DNAJB1: variants seen among roughly 807,000 people sequenced by gnomAD.
The protein encoded by DNAJB1 is DnaJ heat shock protein family (Hsp40) member B1, also known as dnaJ homolog subfamily B member 1.
DNAJB1 carries 14 observed loss-of-function variants against 24.0 expected under a neutral mutation model. That is an observed-to-expected ratio of 0.58 (90% CI 0.39 to 0.91). The LOEUF is 0.91. DNAJB1 is among the 40% of genes least tolerant of loss of function. The pLI, the probability that DNAJB1 is intolerant of heterozygous loss-of-function variation, is 0.00. For synonymous variants in DNAJB1, 262 were observed against 174.4 expected (o/e 1.50, Z -3.96); for missense variants, 517 against 458.1 (o/e 1.13, Z -1.17).
Position 14,516,361 on chromosome 19 carries a change from G to C in DNAJB1, c.792+105C>G, listed in dbSNP as rs1021109617. The C allele has an allele frequency of 4.4e-6, 6 of 1,351,280 alleles. No homozygotes were observed. In the Admixed American group the frequency reaches 1.4e-4, roughly 31 times the overall value. 83.7% of individuals were successfully genotyped at this position (1,351,280 alleles called of 1,614,324 possible). A position where few individuals can be genotyped will look rare whatever the true frequency, so the allele number is the denominator to read the frequency against. On this transcript the variant is annotated intron_variant, in intron 2 of 2. Transcript: ENST00000254322. ...AGTCCTGTTCACTGTTGTGCCCCAA[G>C]CCTGGCACGCACCACACACCCCAAC...
chr19:14,554,471 C>A (rs2073648764), upstream of DNAJB1, among the ~76,000 whole-genome samples: 1 of 152,136 alleles, frequency 6.6e-6, no homozygotes, highest in Non-Finnish European at 1.5e-5. Context: ...ACTCTGCCGC[C>A]AGCAAGGCCA....
chr19:14,517,419 G>T, intron 1 of DNAJB1: 2 of 199,986 alleles, frequency 1.0e-5, no homozygotes, highest in Non-Finnish European at 2.0e-5. Flanking sequence ...AGGGCTAATG[G>T]TGCGTAGGAA....
chr19:14,529,850 G>T, upstream of DNAJB1: 1 of 1,174,962 alleles, frequency 8.5e-7, no homozygotes. Flanking sequence ...GGCAAGCGTT[G>T]CGCCCCGGGC....
Position 14,549,772 on chromosome 19 carries a change from A to G in DNAJB1, c.-214+436T>C, listed in dbSNP as rs576157342. Among the ~76,000 whole-genome samples, 412 of 151,978 alleles carry G rather than the reference A, an allele frequency of 2.7e-3. 7 individuals are homozygous for G. The Middle Eastern group carries it at 0.075, about 28-fold the overall frequency. On this transcript the variant is annotated intron_variant, in intron 1 of 3. Transcript: ENST00000676982. ...AGCCTGACCAACATGGTGAAACCCC[A>G]TCTCTACTAAAAATACAAAAATTAG... is the stretch of plus-strand genomic sequence containing the variant.
chr19:14,543,209 C>CT (rs943725994), intron 1 of DNAJB1, among the ~76,000 whole-genome samples: 1 of 146,508 alleles, frequency 6.8e-6, no homozygotes, highest in African/African-American at 2.5e-5. Context: ...CCTCAAGTGT[C>CT]TAACTCAGGA....
rs200088135 is a variant in DNAJB1 at position 14,518,397 on chromosome 19, C to T, written c.-48G>A. The T allele has an allele frequency of 1.3e-3, 1,979 of 1,508,654 alleles. 26 individuals carry two copies. The Admixed American group carries it at 0.025, about 19-fold the overall frequency. 93.5% of individuals were successfully genotyped at this position (1,508,654 alleles called of 1,614,324 possible). On this transcript the variant is annotated 5_prime_UTR_variant, in exon 1 of 3. Coordinates refer to ENST00000254322, the MANE Select transcript of DNAJB1 (RefSeq NM_006145.3). ...ACCCGCTGTCGCCGTCCCCCGGCTC[C>T]GCCGCCGACCAGTCCCGGACTCTAT... is the stretch of plus-strand genomic sequence containing the variant.
chr19:14,522,836 G>A (rs539092828), upstream of DNAJB1, among the ~76,000 whole-genome samples: 1 of 152,256 alleles, frequency 6.6e-6, no homozygotes, highest in African/African-American at 2.4e-5. Flanking sequence ...TGGACCAACT[G>A]TTTCCTTATT....
rs764920695 is a variant in DNAJB1 at position 14,518,152 on chromosome 19, G to A, written c.198C>T (p.Arg66=). ...SDPRKREIFD[R]YGEEGLKGSG... ...GCGAGCACACACCTTCCTCCCCGTA[G>A]CGGTCGAAGATCTCGCGCTTGCGCG... Residue 66 remains arginine, a synonymous_variant, in exon 1 of 3, where the codon CGC becomes CGT. Transcript: ENST00000254322. 5 of 1,575,194 alleles carry A rather than the reference G, an allele frequency of 3.2e-6. No individual in the cohort carries two copies. The highest frequency in any genetic ancestry group is 4.3e-6 in the Non-Finnish European group (5 of 1,162,044).
intron 1 of DNAJB1, among the ~76,000 whole-genome samples, chr19:14,538,292 C>G (rs924497880): frequency 6.6e-6 from 1 of 152,020 alleles, no homozygotes; most frequent in African/African-American, 2.4e-5. Flanking sequence ...CCCACTCTGT[C>G]CTTGGGACAG....
intron 1 of DNAJB1, among the ~76,000 whole-genome samples, chr19:14,536,119 T>G (rs2146560984): frequency 6.6e-6 from 1 of 152,252 alleles, no homozygotes; most frequent in African/African-American, 2.4e-5. Context: ...TGCAGGCCAG[T>G]TCCCCTTTGG....
chr19:14,517,325 ATCC>A, intron 1 of DNAJB1: 1 of 393,248 alleles, frequency 2.5e-6, no homozygotes, highest in Middle Eastern at 6.8e-4. Flanking sequence ...GGACTGACCC[ATCC>A]TCCTGGCAAC....
intron 1 of DNAJB1, among the ~76,000 whole-genome samples, chr19:14,542,347 G>GTTTTGTTTTTTTTT (rs2073125931): frequency 2.3e-5 from 1 of 43,282 alleles, no homozygotes; most frequent in Non-Finnish European, 4.4e-5. Flanking sequence ...ATGCCATAGT[G>GTTTTGTTTTTTTTT]TTTTTTTTTT....
intron 1 of DNAJB1, among the ~76,000 whole-genome samples, chr19:14,543,023 G>A (rs1390387087): frequency 6.7e-6 from 1 of 149,112 alleles, no homozygotes; most frequent in Non-Finnish European, 1.5e-5. Flanking sequence ...AAAGTGAACA[G>A]GGATCACTGG....
At chr19:14,538,542 T>A (rs1168765696) in intron 1 of DNAJB1, among the ~76,000 whole-genome samples, 1 of 151,382 alleles carries the variant, frequency 6.6e-6, no homozygotes, top group African/African-American at 2.4e-5. Flanking sequence ...TTTTCTTTTT[T>A]TTTTTTTTTG....
chr19:14,523,866 C>T (rs1374238446), intron 2 of DNAJB1, among the ~76,000 whole-genome samples: 1 of 152,156 alleles, frequency 6.6e-6, no homozygotes, highest in Admixed American at 6.5e-5. Context: ...TCAGGTGATC[C>T]GCCGGCCTTG....
chr19:14,541,339 C>T (rs1034720685), intron 1 of DNAJB1, among the ~76,000 whole-genome samples: 1 of 152,190 alleles, frequency 6.6e-6, no homozygotes, highest in Non-Finnish European at 1.5e-5. Flanking sequence ...CGTGGCTGTC[C>T]TGTTCCCCAT....
intron 1 of DNAJB1, 182 bp downstream of exon 1, chr19:14,517,957 G>C (rs1156980302): frequency 3.5e-6 from 2 of 565,044 alleles, no homozygotes; most frequent in Non-Finnish European, 5.6e-6. Context: ...GCTGGGCCAA[G>C]GCTCCTCCTC....
chr19:14,520,517 G>A (rs553023901), upstream of DNAJB1, among the ~76,000 whole-genome samples: 2 of 152,266 alleles, frequency 1.3e-5, no homozygotes, highest in East Asian at 3.9e-4. Flanking sequence ...GGAGCATCCA[G>A]CAGGCAGATC....
chr19:14,518,865 G>A (rs1206570153), upstream of DNAJB1, among the ~76,000 whole-genome samples: 1 of 152,258 alleles, frequency 6.6e-6, no homozygotes, highest in African/African-American at 2.4e-5. Flanking sequence ...CTCCCGCCCG[G>A]TGACGCCGGA....
Sources: allele counts gnomAD v4.1 joint callset (sites outside exome capture counted in the v4.1 genomes callset), GRCh38; gene constraint gnomAD v4.1.1; transcripts MANE v1.5; gene names NCBI Gene and HGNC (gene_info 2026-07-23, HGNC 2026-07-21).